OR51B5: variants seen among roughly 807,000 people sequenced by gnomAD.
OR51B5 encodes olfactory receptor 51B5.
For missense variants in OR51B5, 456 were observed against 374.6 expected (o/e 1.22, Z -1.79); for synonymous variants, 186 against 144.8 (o/e 1.28, Z -2.04).
chr11:5,489,856 G>A, intron 1 of OR51B5: 2 of 566,528 alleles, frequency 3.5e-6, no homozygotes, highest in South Asian at 5.0e-5. Flanking sequence ...GGCTCCTTGG[G>A]GAACTCTGAA....
At chr11:5,377,812 A>T (rs377445715) in intron 1 of OR51B5, among the ~76,000 whole-genome samples, 1 of 151,938 alleles carries the variant, frequency 6.6e-6, no homozygotes, top group Non-Finnish European at 1.5e-5. Context: ...AAATAAAAGA[A>T]GATACAAACA....
chr11:5,352,099 G>T (rs1849102312), intron 1 of OR51B5: 1 of 1,614,118 alleles, frequency 6.2e-7, no homozygotes. Flanking sequence ...TCTCTATCCA[G>T]TTGTAGTTTT....
intron 1 of OR51B5, among the ~76,000 whole-genome samples, chr11:5,388,062 T>A (rs1433009683): frequency 6.6e-6 from 1 of 152,176 alleles, no homozygotes; most frequent in Non-Finnish European, 1.5e-5. Flanking sequence ...TGTAATACAA[T>A]TTCAATATGT....
At chr11:5,350,984 GTGTATT>G (rs948698723) in intron 1 of OR51B5, among the ~76,000 whole-genome samples, 1 of 152,054 alleles carries the variant, frequency 6.6e-6, no homozygotes, top group Non-Finnish European at 1.5e-5. Flanking sequence ...TTTCTTACTT[GTGTATT>G]TGTTTTTCCA....
At chr11:5,427,009 A>T (rs1195999573) in intron 1 of OR51B5, among the ~76,000 whole-genome samples, 1 of 152,156 alleles carries the variant, frequency 6.6e-6, no homozygotes, top group Non-Finnish European at 1.5e-5. Context: ...TTCACAGTGA[A>T]GTTCCACTAC....
At chr11:5,488,512 T>C (rs1444130292) in intron 1 of OR51B5, among the ~76,000 whole-genome samples, 1 of 152,172 alleles carries the variant, frequency 6.6e-6, no homozygotes, top group East Asian at 1.9e-4. Flanking sequence ...ATATAGAAAT[T>C]AGCAGAAGGT....
At chr11:5,351,954 G>C (rs776890548) in intron 1 of OR51B5, 79 of 1,612,888 alleles carry the variant, frequency 4.9e-5, no homozygotes, top group Non-Finnish European at 5.9e-5. Flanking sequence ...TATTGACAAG[G>C]GCTGGTCTGT....
chr11:5,429,432 A>G (rs1850500551), intron 1 of OR51B5, among the ~76,000 whole-genome samples: 2 of 152,208 alleles, frequency 1.3e-5, no homozygotes, highest in Admixed American at 1.3e-4. Flanking sequence ...CAAGGAGAAT[A>G]ATATGTGGTG....
At chr11:5,474,832 G>T (rs1439178795) in intron 1 of OR51B5, among the ~76,000 whole-genome samples, 1 of 152,160 alleles carries the variant, frequency 6.6e-6, no homozygotes, top group Non-Finnish European at 1.5e-5. Context: ...CAGTGATCAG[G>T]ACAACAGGCT....
At chr11:5,468,890 G>T (rs1354422266) in intron 1 of OR51B5, 1 of 395,522 alleles carries the variant, frequency 2.5e-6, no homozygotes, top group Non-Finnish European at 5.1e-6. Flanking sequence ...GTAGGAATGG[G>T]CCAGTACCAC....
chr11:5,403,802 G>A lies in OR51B5; in HGVS notation n.85-56892C>T, dbSNP rs989551852. Among the ~76,000 whole-genome samples the A allele has an allele frequency of 4.6e-5, 7 of 152,078 alleles. No individual in the cohort carries two copies. The South Asian group carries it at 1.5e-3, about 32-fold the overall frequency. On this transcript the variant is annotated intron_variant and non_coding_transcript_variant, in intron 1 of 4. Coordinates refer to the OR51B5 transcript ENST00000415970. ...TTTTCTTCATTACCTTGCATACCTG[G>A]AGCAGGAATGCAGAAAAGATTGTAA... is the stretch of plus-strand genomic sequence containing the variant.
At chr11:5,463,244 C>T (rs1015172323) in intron 1 of OR51B5, among the ~76,000 whole-genome samples, 1 of 152,142 alleles carries the variant, frequency 6.6e-6, no homozygotes, top group Non-Finnish European at 1.5e-5. Flanking sequence ...TAAATATTTG[C>T]ACAAATAAAT....
chr11:5,451,508 G>C (rs1850848227), intron 1 of OR51B5, among the ~76,000 whole-genome samples: 1 of 152,190 alleles, frequency 6.6e-6, no homozygotes, highest in East Asian at 1.9e-4. Flanking sequence ...TGCAGACTGA[G>C]CTCTAAGACC....
chr11:5,473,738 T>G (rs1397305574), intron 1 of OR51B5, among the ~76,000 whole-genome samples: 2 of 152,302 alleles, frequency 1.3e-5, no homozygotes, highest in East Asian at 3.9e-4. Context: ...TGTGTAATAT[T>G]TGATGCCTTA....
chr11:5,474,617 G>A (rs1851277674), intron 1 of OR51B5, among the ~76,000 whole-genome samples: 1 of 152,080 alleles, frequency 6.6e-6, no homozygotes, highest in Admixed American at 6.6e-5. Context: ...ATCATGATAT[G>A]TTTCTCCCCA....
At chr11:5,450,588 G>T (rs114959539) in intron 1 of OR51B5, among the ~76,000 whole-genome samples, 1 of 152,112 alleles carries the variant, frequency 6.6e-6, no homozygotes, top group Non-Finnish European at 1.5e-5. Context: ...CCAGGAATAG[G>T]AGAATTTGTG....
At chr11:5,411,628 T>C (rs1850150795) in intron 1 of OR51B5, among the ~76,000 whole-genome samples, 1 of 152,234 alleles carries the variant, frequency 6.6e-6, no homozygotes, top group African/African-American at 2.4e-5. Context: ...TCCCTGGAAC[T>C]TCTGAATATG....
chr11:5,422,483 A>G (rs1440495036), intron 1 of OR51B5: 2 of 1,614,166 alleles, frequency 1.2e-6, no homozygotes. Flanking sequence ...TCGTAGAATC[A>G]GCTCTGAGGC....
At chr11:5,453,346 CATGAATG>C (rs1850886158) in intron 1 of OR51B5, 1 of 519,290 alleles carries the variant, frequency 1.9e-6, no homozygotes, top group Admixed American at 3.8e-5. Context: ...GCAGTGATTT[CATGAATG>C]CGTCAGTTTC....
Sources: gnomAD v4.1 joint callset for allele counts (sites outside exome capture counted in the v4.1 genomes callset) on GRCh38, gnomAD v4.1.1 for gene constraint, MANE v1.5 for transcripts, NCBI Gene and HGNC (gene_info 2026-07-23, HGNC 2026-07-21) for gene names.